The following SHISA9 variants were observed in gnomAD, a reference collection of about 807,000 sequenced individuals.
SHISA9 encodes protein shisa-9.
A neutral mutation model predicts 38.0 loss-of-function variants in SHISA9; 13 were observed. The ratio of observed to expected loss-of-function variants is 0.34; its 90% CI spans 0.22 to 0.54. The LOEUF (loss-of-function observed/expected upper bound fraction) is 0.54. Among genes scored for constraint, SHISA9 ranks in the 20% least tolerant of loss-of-function variants. SHISA9 has a pLI of 0.91. For synonymous variants in SHISA9, 275 were observed against 242.0 expected (o/e 1.14, Z -1.27); for missense variants, 538 against 575.8 (o/e 0.93, Z 0.67).
intron 2 of SHISA9, among the ~76,000 whole-genome samples, chr16:13,080,414 A>G (rs1367258142): frequency 6.6e-6 from 1 of 152,214 alleles, no homozygotes; most frequent in African/African-American, 2.4e-5. Context: ...CCACTTGGTC[A>G]GCTCCAATTT....
the SHISA9 span, among the ~76,000 whole-genome samples, chr16:13,359,549 G>A: frequency 6.6e-6 from 1 of 152,184 alleles, no homozygotes; most frequent in African/African-American, 2.4e-5. Context: ...AGAACTGGCA[G>A]CATGGTAGGT....
At chr16:13,551,758 G>A in the SHISA9 span, among the ~76,000 whole-genome samples, 10 of 152,224 alleles carry the variant, frequency 6.6e-5, no homozygotes, top group African/African-American at 2.4e-4. Context: ...GCCGGGAGCG[G>A]TGGCTCATGC....
chr16:13,174,686 G>C (rs2050716548), intron 2 of SHISA9, among the ~76,000 whole-genome samples: 1 of 152,174 alleles, frequency 6.6e-6, no homozygotes, highest in South Asian at 2.1e-4. Flanking sequence ...TCTCACATGG[G>C]GTGAGGTGCA....
At chr16:12,931,935 G>A (rs930363654) in intron 2 of SHISA9, among the ~76,000 whole-genome samples, 1 of 152,158 alleles carries the variant, frequency 6.6e-6, no homozygotes, top group Non-Finnish European at 1.5e-5. Context: ...ACATGTCATG[G>A]GAGAGACCTG....
At chr16:13,026,624 T>A (rs532787178) in intron 2 of SHISA9, among the ~76,000 whole-genome samples, 80 of 152,306 alleles carry the variant, frequency 5.3e-4, no homozygotes, top group Non-Finnish European at 8.8e-4. Context: ...TAGTTCTATG[T>A]TTAATCTTTT....
At chr16:13,386,959 C>T in the SHISA9 span, among the ~76,000 whole-genome samples, 1 of 152,140 alleles carries the variant, frequency 6.6e-6, no homozygotes, top group Non-Finnish European at 1.5e-5. Context: ...AATAGAATAG[C>T]TAATTGACTG....
At chr16:13,011,201 A>G (rs1384152609) in intron 2 of SHISA9, among the ~76,000 whole-genome samples, 1 of 152,204 alleles carries the variant, frequency 6.6e-6, no homozygotes, top group African/African-American at 2.4e-5. Flanking sequence ...TTTCTTAAAA[A>G]TAAATTTTAT....
At chr16:13,299,720 A>C in the SHISA9 span, among the ~76,000 whole-genome samples, 3 of 151,762 alleles carry the variant, frequency 2.0e-5, no homozygotes, top group East Asian at 3.9e-4. Flanking sequence ...CAAAAAAAAA[A>C]AAAACAAAAA....
the SHISA9 span, among the ~76,000 whole-genome samples, chr16:13,347,203 C>A: frequency 1.3e-5 from 2 of 152,172 alleles, no homozygotes; most frequent in Non-Finnish European, 2.9e-5. Context: ...CTTGCTCAAC[C>A]ACTTTTTTGA....
At chr16:13,079,853 TG>T (rs1189828134) in intron 2 of SHISA9, among the ~76,000 whole-genome samples, 1 of 152,230 alleles carries the variant, frequency 6.6e-6, no homozygotes, top group Non-Finnish European at 1.5e-5. Flanking sequence ...GTGAAATGAT[TG>T]TTTTTTTAAC....
chr16:12,953,741 G>C (rs56236662), intron 2 of SHISA9, among the ~76,000 whole-genome samples: 29,389 of 152,130 alleles, frequency 0.19, 3,521 homozygotes, highest in Middle Eastern at 0.35. Flanking sequence ...CTACCTGAGA[G>C]TGGGTAATTT....
At chr16:12,985,436 A>G (rs1192870050) in intron 2 of SHISA9, among the ~76,000 whole-genome samples, 2 of 152,082 alleles carry the variant, frequency 1.3e-5, no homozygotes, top group African/African-American at 4.8e-5. Flanking sequence ...AGAGAAGACT[A>G]TGACCACCTT....
intron 2 of SHISA9, among the ~76,000 whole-genome samples, chr16:13,113,439 G>T (rs1464685575): frequency 1.3e-5 from 2 of 152,122 alleles, no homozygotes; most frequent in African/African-American, 4.8e-5. Flanking sequence ...TACCAAGCCT[G>T]GAGATTGTTG....
intron 2 of SHISA9, among the ~76,000 whole-genome samples, chr16:13,169,248 G>A (rs1048998372): frequency 2.6e-5 from 4 of 152,142 alleles, no homozygotes; most frequent in East Asian, 1.9e-4. Flanking sequence ...TAATGTAGAC[G>A]CAATTAGTGA....
At chr16:12,998,281 T>C (rs1284058743) in intron 2 of SHISA9, among the ~76,000 whole-genome samples, 1 of 152,194 alleles carries the variant, frequency 6.6e-6, no homozygotes, top group East Asian at 1.9e-4. Context: ...TGTAGAAAAA[T>C]AAGCACTAAC....
the SHISA9 span, among the ~76,000 whole-genome samples, chr16:13,389,031 C>A: frequency 6.6e-6 from 1 of 152,134 alleles, no homozygotes; most frequent in African/African-American, 2.4e-5. Flanking sequence ...CATTAACATC[C>A]CCCACCAGAG....
At chr16:13,058,751 T>TTGTGTGTGTGTGTG (rs57415975) in intron 2 of SHISA9, among the ~76,000 whole-genome samples, 3 of 144,860 alleles carry the variant, frequency 2.1e-5, no homozygotes, top group African/African-American at 7.6e-5. Flanking sequence ...TGTGGTGTAT[T>TTGTGTGTGTGTGTG]TGTGTGTGTG....
At chr16:13,390,466 T>C in the SHISA9 span, among the ~76,000 whole-genome samples, 119,109 of 152,084 alleles carry the variant, frequency 0.78, 46,813 homozygotes, top group East Asian at 0.96. Flanking sequence ...TGTGTTTCTA[T>C]ACTTTGTCTC....
At chr16:13,035,460 T>G (rs1453638981) in intron 2 of SHISA9, among the ~76,000 whole-genome samples, 1 of 152,214 alleles carries the variant, frequency 6.6e-6, no homozygotes, top group African/African-American at 2.4e-5. Context: ...GCTCAATAAT[T>G]CAGAGTAAAG....
Sources: allele counts gnomAD v4.1 joint callset (sites outside exome capture counted in the v4.1 genomes callset), GRCh38; gene constraint gnomAD v4.1.1; transcripts MANE v1.5; gene names NCBI Gene and HGNC (gene_info 2026-07-23, HGNC 2026-07-21).